The following IL1RAPL2 variants were observed in gnomAD, a reference collection of about 807,000 sequenced individuals.
IL1RAPL2 encodes the protein X-linked interleukin-1 receptor accessory protein-like 2.
In IL1RAPL2, 3 loss-of-function variants were observed where a neutral mutation model predicts 44.1. The ratio of observed to expected loss-of-function variants is 0.07; its 90% confidence interval spans 0.03 to 0.18. The LOEUF (loss-of-function observed/expected upper bound fraction) is 0.18, where lower values mean the gene tolerates loss of function less well. IL1RAPL2 is among the 10% of genes least tolerant of loss of function. IL1RAPL2 has a pLI of 1.00. For synonymous variants in IL1RAPL2, 181 were observed against 178.8 expected (o/e 1.01, Z -0.10); for missense variants, 391 against 496.4 (o/e 0.79, Z 2.02).
At chrX:104,887,258 G>A (rs1217049532) in intron 2 of IL1RAPL2, among the ~76,000 whole-genome samples, 2 of 112,202 alleles carry the variant, frequency 1.8e-5, no homozygotes, top group Non-Finnish European at 3.8e-5. Context: ...GACAGAAACA[G>A]CCTTCAAAAC....
At chrX:105,147,819 T>C (rs1022699321) in intron 2 of IL1RAPL2, among the ~76,000 whole-genome samples, 2 of 111,811 alleles carry the variant, frequency 1.8e-5, no homozygotes, top group Admixed American at 1.9e-4. Flanking sequence ...TACAAGTTTT[T>C]ATATAGACAT....
chrX:105,404,237 G>A (rs973578348), intron 5 of IL1RAPL2, among the ~76,000 whole-genome samples: 1 of 111,735 alleles, frequency 8.9e-6, no homozygotes, highest in African/African-American at 3.3e-5. Flanking sequence ...AGAGCAAACT[G>A]TCAGCTTCAT....
In IL1RAPL2 at chrX:105,317,957, TTTTC is replaced by T. The variant is rs202238652; in HGVS notation, c.697+50427_697+50430del. 5.2e-3 allele frequency among the ~76,000 whole-genome samples: 570 copies of T among 109,432 alleles called. 4 individuals carry two copies. Among genetic ancestry groups the T allele is most frequent in the African/African-American group, 0.017 (501 of 30,258 alleles). ...ACATTTTACCACTAAGAAGTAATTA[TTTTC>T]TTTCTTTCTTCTTCTTTTTTTTTTT... On this transcript the variant is annotated intron_variant, in intron 5 of 10. Transcript: ENST00000372582.
At chrX:105,355,972 C>T (rs1602373705) in intron 5 of IL1RAPL2, among the ~76,000 whole-genome samples, 1 of 110,724 alleles carries the variant, frequency 9.0e-6, no homozygotes, top group Admixed American at 9.7e-5. Flanking sequence ...TTGTTTATAG[C>T]CTAAAAGGTG....
At chrX:104,980,154 A>G (rs1482682643) in intron 2 of IL1RAPL2, among the ~76,000 whole-genome samples, 1 of 111,932 alleles carries the variant, frequency 8.9e-6, no homozygotes, top group Non-Finnish European at 1.9e-5. Context: ...TAAAAAATAA[A>G]GTAGATAGAT....
chrX:104,853,355 G>A (rs1235370481), intron 2 of IL1RAPL2, among the ~76,000 whole-genome samples: 1 of 111,488 alleles, frequency 9.0e-6, no homozygotes, highest in African/African-American at 3.3e-5. Flanking sequence ...AGGATACAAG[G>A]ATACAAAGCC....
intron 2 of IL1RAPL2, among the ~76,000 whole-genome samples, chrX:104,756,549 C>G (rs1443794513): frequency 2.7e-5 from 3 of 110,489 alleles, no homozygotes; most frequent in Non-Finnish European, 5.7e-5. Context: ...TTACTGAGCA[C>G]TCATATCAGA....
At chrX:104,670,094 G>A (rs1930564803) in intron 2 of IL1RAPL2, among the ~76,000 whole-genome samples, 2 of 111,392 alleles carry the variant, frequency 1.8e-5, no homozygotes, top group African/African-American at 6.5e-5. Context: ...TGACTCACAC[G>A]ATCACAAAGT....
intron 7 of IL1RAPL2, among the ~76,000 whole-genome samples, chrX:105,731,172 TA>T (rs1243447772): frequency 9.1e-6 from 1 of 110,204 alleles, no homozygotes; most frequent in Non-Finnish European, 1.9e-5. Flanking sequence ...TAAACAAAAT[TA>T]GAAATGAAAA....
At chrX:105,089,835 G>A (rs1435814438) in intron 2 of IL1RAPL2, among the ~76,000 whole-genome samples, 1 of 111,695 alleles carries the variant, frequency 9.0e-6, no homozygotes, top group Non-Finnish European at 1.9e-5. Flanking sequence ...ACTCACTCTT[G>A]TTTGTTTGTT....
At chrX:105,108,494 A>ATTTTTTTTTT (rs71816209) in intron 2 of IL1RAPL2, among the ~76,000 whole-genome samples, 42 of 73,597 alleles carry the variant, frequency 5.7e-4, no homozygotes, top group Non-Finnish European at 6.1e-4. Context: ...CCATGCCCGG[A>ATTTTTTTTTT]TTTTTTTTTT....
intron 2 of IL1RAPL2, among the ~76,000 whole-genome samples, chrX:104,663,535 C>T (rs760837092): frequency 1.3e-4 from 14 of 110,044 alleles, no homozygotes; most frequent in African/African-American, 4.6e-4. Flanking sequence ...GATCTCATCT[C>T]CTAAATGTAT....
intron 1 of IL1RAPL2, among the ~76,000 whole-genome samples, chrX:104,571,950 TTTTG>T (rs890001728): frequency 8.9e-6 from 1 of 112,252 alleles, no homozygotes; most frequent in Non-Finnish European, 1.9e-5. Context: ...TTTTATAGTC[TTTTG>T]TTTGTTAACA....
At chrX:105,249,521 T>A (rs2034252047) in intron 4 of IL1RAPL2, among the ~76,000 whole-genome samples, 1 of 111,861 alleles carries the variant, frequency 8.9e-6, no homozygotes, top group Non-Finnish European at 1.9e-5. Context: ...ACACAAAAGA[T>A]AGATGCTTGA....
At chrX:105,567,926 G>A (rs2036986135) in intron 6 of IL1RAPL2, among the ~76,000 whole-genome samples, 1 of 111,334 alleles carries the variant, frequency 9.0e-6, no homozygotes, top group Non-Finnish European at 1.9e-5. Flanking sequence ...AAAAAGCCCA[G>A]AGAGTTGCCT....
At position 105,350,506 on chromosome X, in the gene IL1RAPL2, C is replaced by G. The variant is rs529987179; in HGVS notation, c.697+82965C>G. On this transcript the variant is annotated intron_variant, in intron 5 of 10. Transcript: ENST00000372582. ...TGGGAGGTCGAGGCGGGTGGATCGT[C>G]TGAGGTTGGAAGTTCAAGAGCAGCC... Among the ~76,000 whole-genome samples, 100 of 112,216 alleles carry G rather than the reference C, an allele frequency of 8.9e-4. No homozygotes were observed. The Admixed American group carries it at 9.4e-3, about 11-fold the overall frequency.
chrX:105,052,012 C>CA (rs995611347), intron 2 of IL1RAPL2, among the ~76,000 whole-genome samples: 2 of 111,016 alleles, frequency 1.8e-5, no homozygotes, highest in African/African-American at 3.3e-5. Flanking sequence ...AATAAAGGGA[C>CA]AAAAAAAAGG....
At chrX:104,859,856 G>A (rs752471522) in intron 2 of IL1RAPL2, among the ~76,000 whole-genome samples, 1 of 111,936 alleles carries the variant, frequency 8.9e-6, no homozygotes, top group African/African-American at 3.2e-5. Context: ...TTGCGTTGCA[G>A]TTTCAGTGAA....
chrX:104,966,041 A>AG (rs1460457427), intron 2 of IL1RAPL2, among the ~76,000 whole-genome samples: 2 of 111,705 alleles, frequency 1.8e-5, no homozygotes, highest in East Asian at 5.6e-4. Flanking sequence ...ATAGCTTCAG[A>AG]GTCAGGATGC....
Sources: gnomAD v4.1 joint callset for allele counts (sites outside exome capture counted in the v4.1 genomes callset) on GRCh38, gnomAD v4.1.1 for gene constraint, MANE v1.5 for transcripts, NCBI Gene and HGNC (gene_info 2026-07-23, HGNC 2026-07-21) for gene names.